Variants in SPATC1 observed in about 807,000 individuals in gnomAD.
SPATC1 encodes the protein speriolin.
In SPATC1, 35 loss-of-function variants were observed where a neutral mutation model predicts 36.5. That is an observed-to-expected ratio of 0.96 (90% CI 0.73 to 1.27). SPATC1 has a LOEUF of 1.27. Ranked by LOEUF, SPATC1 falls within the 50% of genes most tolerant of loss-of-function variation. The pLI is 0.00. For synonymous variants in SPATC1, 361 were observed against 353.6 expected (o/e 1.02, Z -0.24); for missense variants, 779 against 796.0 (o/e 0.98, Z 0.26).
At chr8:144,023,245 A>AC (rs1587497095) in intron 1 of SPATC1, among the ~76,000 whole-genome samples, 8 of 3,790 alleles carry the variant, frequency 2.1e-3, no homozygotes, top group Non-Finnish European at 2.3e-3. Context: ...TTCCCTCAGG[A>AC]CCTCTTCCCT....
At position 144,027,074 on chromosome 8, in the gene SPATC1, C is replaced by T. The variant is rs982006364; in HGVS notation, c.212-12835C>T. On this transcript the variant is annotated intron_variant, in intron 1 of 4. Coordinates refer to ENST00000377470, the MANE Select transcript of SPATC1 (RefSeq NM_198572.3). ...GTCTCGATCTCCTGGCCCCATGATC[C>T]GCCTGCCTCAGCCTCCCAAACTGCT... 3.3e-4 allele frequency among the ~76,000 whole-genome samples: 49 copies of T among 150,194 alleles called. 1 individual carries two copies. The highest frequency in any genetic ancestry group is 8.8e-4 in the African/African-American group (36 of 40,728).
chr8:144,040,632 A>G lies in SPATC1; in HGVS notation c.831A>G (p.Ala277=). 1.2e-6 allele frequency: 2 copies of G among 1,610,628 alleles called. No homozygotes were observed. Among genetic ancestry groups the G allele is most frequent in the Non-Finnish European group, 1.7e-6 (2 of 1,178,964 alleles). ...QDPEPLSMAF[A]GAPLQTSTPI... is the part of the protein sequence containing the mutation. ...CAGAGCCTCTCAGCATGGCGTTTGC[A>G]GGAGCACCCCTCCAGACCTCCACCC... Residue 277 remains alanine, a synonymous_variant, in exon 3 of 5, where the codon GCA becomes GCG. Coordinates refer to ENST00000377470, the MANE Select transcript of SPATC1 (RefSeq NM_198572.3).
In SPATC1 at chr8:144,045,377, C is replaced by T. The variant is rs535359688; in HGVS notation, c.1447-1250C>T. On this transcript the variant is annotated intron_variant, in intron 4 of 4. Transcript: ENST00000377470. The surrounding 1 kb of genome is among the most constrained non-coding windows in gnomAD (Gnocchi z 5.2). ...TAGCAGAGGTTGACGTCACATTAAC[C>T]GGGCCCGGTCCTGAGTCCAGCCCCA... Among the ~76,000 whole-genome samples, 8 of 152,316 alleles carry T rather than the reference C, an allele frequency of 5.3e-5. No homozygotes were observed. The highest frequency in any genetic ancestry group is 1.9e-4 in the East Asian group (1 of 5,178).
chr8:144,044,462 C>G (rs1348008677), intron 4 of SPATC1, among the ~76,000 whole-genome samples: 12 of 148,116 alleles, frequency 8.1e-5, no homozygotes, highest in African/African-American at 3.1e-4. Flanking sequence ...CCACCACGCC[C>G]AGCTAATTTT....
In SPATC1 at chr8:144,046,755, C is replaced by T. The variant is rs61734811; in HGVS notation, c.1575C>T (p.Thr525=). Residue 525 remains threonine, a synonymous_variant, in exon 5 of 5, where the codon ACC becomes ACT. Coordinates refer to ENST00000377470, the MANE Select transcript of SPATC1 (RefSeq NM_198572.3). The surrounding 1 kb of genome is among the most constrained non-coding windows in gnomAD (Gnocchi z 6.6). ...ACGGGCGGGTGCACCCTGCGCTGAC[C>T]GAGCAGCTGGTGAACGCTTATGGCA... The part of the protein sequence containing the change: ...GYNGRVHPAL[T]EQLVNAYGIL... 4.4e-4 allele frequency: 709 copies of T among 1,611,740 alleles called. 2 individuals are homozygous for T. In the African/African-American group the frequency reaches 8.5e-3, roughly 19 times the overall value.
chr8:144,014,859 C>T (rs1283726454), intron 1 of SPATC1, among the ~76,000 whole-genome samples: 6 of 152,168 alleles, frequency 3.9e-5, no homozygotes, highest in Non-Finnish European at 8.8e-5. Flanking sequence ...ACACACTATG[C>T]ACCACACATA....
intron 1 of SPATC1, among the ~76,000 whole-genome samples, chr8:144,034,439 A>G (rs1319128423): frequency 6.6e-6 from 1 of 150,774 alleles, no homozygotes; most frequent in African/African-American, 2.5e-5. Flanking sequence ...ACTTTTCTTC[A>G]TAAAGTTTGT....
At chr8:144,039,864 T>C in intron 1 of SPATC1, 45 bp from the exon 2 acceptor site, 1 of 1,579,200 alleles carries the variant, frequency 6.3e-7, no homozygotes, top group African/African-American at 1.3e-5. Context: ...CGCCGTGGTC[T>C]GGAGGGGCTC....
chr8:144,032,659 T>A (rs1331334823), intron 1 of SPATC1, among the ~76,000 whole-genome samples: 2 of 152,146 alleles, frequency 1.3e-5, no homozygotes, highest in Non-Finnish European at 2.9e-5. Context: ...TATTCCTCCC[T>A]CCCCAGGGTT....
At chr8:144,031,050 G>A (rs1422799855) in intron 1 of SPATC1, among the ~76,000 whole-genome samples, 4 of 152,096 alleles carry the variant, frequency 2.6e-5, no homozygotes, top group African/African-American at 9.7e-5. Flanking sequence ...AAAAATGGGA[G>A]ATACAAACCA....
rs1554755551 is a variant in SPATC1 at position 144,040,248 on chromosome 8, T to G, written c.551T>G (p.Ile184Arg). Residue 184 changes from isoleucine to arginine, a missense_variant, in exon 2 of 5, where the codon ATA becomes AGA. Transcript: ENST00000377470. Reference protein sequence around the residue: ...PVAMSQSSPLIAPVMGTVAVS... With the variant: ...PVAMSQSSPLRAPVMGTVAVS... ...GCCATGTCCCAGAGCAGCCCCCTGA[T>G]AGCCCCTGTGATGGGCACGGTGGCT... 1 of 1,612,948 alleles carries G rather than the reference T, an allele frequency of 6.2e-7. No homozygotes were observed. The highest frequency in any genetic ancestry group is 1.7e-5 in the Admixed American group (1 of 60,006).
chr8:144,037,444 T>C (rs1834932150), intron 1 of SPATC1, among the ~76,000 whole-genome samples: 1 of 151,894 alleles, frequency 6.6e-6, no homozygotes, highest in Admixed American at 6.6e-5. Flanking sequence ...GAGGTAGACA[T>C]GGGAGACTTT....
At chr8:144,037,151 G>C (rs1219505684) in intron 1 of SPATC1, among the ~76,000 whole-genome samples, 2 of 123,758 alleles carry the variant, frequency 1.6e-5, no homozygotes, top group Non-Finnish European at 3.3e-5. Flanking sequence ...AGGTGGGGGG[G>C]TCAGCCCCCC....
chr8:144,038,347 C>T (rs1415330514), intron 1 of SPATC1, among the ~76,000 whole-genome samples: 3 of 145,152 alleles, frequency 2.1e-5, no homozygotes, highest in South Asian at 2.5e-4. Flanking sequence ...GCAGGAGAAT[C>T]GCTTGAACCC....
chr8:144,022,955 C>G (rs959791348), intron 1 of SPATC1, among the ~76,000 whole-genome samples: 1 of 118,334 alleles, frequency 8.5e-6, no homozygotes, highest in Non-Finnish European at 1.8e-5. Flanking sequence ...ACCCTTTCCC[C>G]TCATGACCTA....
intron 4 of SPATC1, among the ~76,000 whole-genome samples, chr8:144,042,370 A>G (rs1259287252): frequency 8.3e-6 from 1 of 120,186 alleles, no homozygotes; most frequent in Non-Finnish European, 1.6e-5. Flanking sequence ...CCCAGGCTGG[A>G]GTGCAATGGT....
Position 144,040,029 on chromosome 8 carries a change from G to T in SPATC1, c.332G>T (p.Gly111Val), listed in dbSNP as rs1835021620. 6.2e-7 allele frequency: 1 copy of T among 1,613,740 alleles called. No homozygotes were observed. The highest frequency in any genetic ancestry group is 1.7e-5 in the Admixed American group (1 of 60,024). ...AGCTTGCAGCCCAGCGCCACACCGG[G>T]CTCACTCATGAGCCCCCTGACAGGC... is the stretch of plus-strand genomic sequence containing the variant. ...LTSLQPSATP[G>V]SLMSPLTGTL... Residue 111 changes from glycine to valine, a missense_variant, in exon 2 of 5, where the codon GGC (glycine) becomes GTC (valine). Transcript: ENST00000377470.
chr8:144,046,078 G>T lies in SPATC1; in HGVS notation c.1447-549G>T, dbSNP rs1244610568. 6.6e-6 allele frequency among the ~76,000 whole-genome samples: 1 copy of T among 152,196 alleles called. No homozygotes were observed. Among genetic ancestry groups the T allele is most frequent in the Non-Finnish European group, 1.5e-5 (1 of 68,024 alleles). On this transcript the variant is annotated intron_variant, in intron 4 of 4. Transcript: ENST00000377470. This position sits in a 1 kb window ranked among gnomAD's most constrained non-coding sequence, Gnocchi z 6.6. The stretch of plus-strand genomic sequence containing the variant: ...AGCGCTGGGGCCAACACTTGCCTGG[G>T]GTTGTCAGTTCAGTGATGGGGGAGG...
At position 144,045,522 on chromosome 8, in the gene SPATC1, A is replaced by T. The variant is rs968800317; in HGVS notation, c.1447-1105A>T. The stretch of plus-strand genomic sequence containing the variant: ...GGGACCACCACGTCAGCCATCTGGG[A>T]CACAGCAGGACATAGCTGGAAGAGG... On this transcript the variant is annotated intron_variant, in intron 4 of 4. Coordinates refer to ENST00000377470, the MANE Select transcript of SPATC1 (RefSeq NM_198572.3). This position sits in a 1 kb window ranked among gnomAD's most constrained non-coding sequence, Gnocchi z 5.2. Among the ~76,000 whole-genome samples, 1 of 152,226 alleles carries T rather than the reference A, an allele frequency of 6.6e-6. No individual in the cohort carries two copies. Among genetic ancestry groups the T allele is most frequent in the African/African-American group, 2.4e-5 (1 of 41,456 alleles).
Sources: gnomAD v4.1 joint callset for allele counts (sites outside exome capture counted in the v4.1 genomes callset) on GRCh38, gnomAD v4.1.1 for gene constraint, Gnocchi (gnomAD v3.1) non-coding constraint, MANE v1.5 for transcripts, NCBI Gene and HGNC (gene_info 2026-07-23, HGNC 2026-07-21) for gene names.